The following ZFAND3 variants were observed in gnomAD, a reference collection of about 807,000 sequenced individuals.
ZFAND3 encodes zinc finger AN1-type containing 3.
ZFAND3 carries 10 observed loss-of-function variants against 29.6 expected under a neutral mutation model. That is an observed-to-expected ratio of 0.34 (90% CI 0.21 to 0.57). The LOEUF is 0.57. Ranked by LOEUF, ZFAND3 falls within the 20% of genes least tolerant of loss-of-function variation. The probability of loss-of-function intolerance (pLI) is 0.86; values close to 1 mark genes in which losing one functional copy is unlikely to be tolerated. For synonymous variants in ZFAND3, 128 were observed against 112.6 expected (o/e 1.14, Z -0.87); for missense variants, 230 against 304.5 (o/e 0.76, Z 1.82).
At chr6:37,954,976 T>C (rs115606716) in intron 2 of ZFAND3, among the ~76,000 whole-genome samples, 98 of 152,290 alleles carry the variant, frequency 6.4e-4, no homozygotes, top group Non-Finnish European at 1.2e-3. Flanking sequence ...TTCAAATGGG[T>C]CTTAGCCTCA....
chr6:37,861,710 A>G (rs773552525), intron 1 of ZFAND3, among the ~76,000 whole-genome samples: 2 of 152,232 alleles, frequency 1.3e-5, no homozygotes, highest in Admixed American at 6.5e-5. Flanking sequence ...TCCTCTAGCA[A>G]TAACTTCAGA....
intron 1 of ZFAND3, among the ~76,000 whole-genome samples, chr6:37,831,754 G>A (rs962243786): frequency 2.0e-5 from 3 of 152,172 alleles, no homozygotes; most frequent in Non-Finnish European, 2.9e-5. Context: ...GAATGGGAAA[G>A]TGTGCTGAAT....
At chr6:38,144,675 CA>C (rs1181819692) in intron 5 of ZFAND3, among the ~76,000 whole-genome samples, 5 of 152,158 alleles carry the variant, frequency 3.3e-5, no homozygotes, top group African/African-American at 9.7e-5. Flanking sequence ...TTTAAATGAG[CA>C]AGAAGTGTAA....
chr6:37,896,470 T>G (rs1765205560), intron 1 of ZFAND3, among the ~76,000 whole-genome samples: 1 of 152,128 alleles, frequency 6.6e-6, no homozygotes, highest in Non-Finnish European at 1.5e-5. Context: ...TCTTTGTATC[T>G]GTGTTCATGA....
At chr6:38,054,319 A>G (rs1383311080) in intron 2 of ZFAND3, among the ~76,000 whole-genome samples, 2 of 150,810 alleles carry the variant, frequency 1.3e-5, no homozygotes, top group African/African-American at 2.4e-5. Context: ...ACTTGGGCCC[A>G]GGAAGTCGAG....
chr6:37,853,412 G>GGAAA (rs71542141), intron 1 of ZFAND3, among the ~76,000 whole-genome samples: 5 of 65,854 alleles, frequency 7.6e-5, no homozygotes, highest in African/African-American at 9.2e-5. Flanking sequence ...TGAGCCTCAA[G>GGAAA]AAAAAAAAAA....
chr6:37,870,861 T>TA (rs921263277), intron 1 of ZFAND3, among the ~76,000 whole-genome samples: 4 of 152,170 alleles, frequency 2.6e-5, no homozygotes, highest in Non-Finnish European at 4.4e-5. Context: ...CAGTAATTCT[T>TA]ATGATTGTTT....
chr6:38,051,877 G>A (rs1052960666), intron 2 of ZFAND3, among the ~76,000 whole-genome samples: 7 of 151,892 alleles, frequency 4.6e-5, no homozygotes, highest in Non-Finnish European at 8.8e-5. Flanking sequence ...AATGTTAACA[G>A]TTAATTTATG....
chr6:37,974,398 CT>C (rs1561952566), intron 2 of ZFAND3, among the ~76,000 whole-genome samples: 137 of 89,654 alleles, frequency 1.5e-3, no homozygotes, highest in African/African-American at 3.9e-3. Flanking sequence ...CTCTCTCTCT[CT>C]CTCTTTTTTT....
intron 4 of ZFAND3, among the ~76,000 whole-genome samples, chr6:38,097,333 T>TA (rs1765003950): frequency 6.6e-6 from 1 of 150,556 alleles, no homozygotes; most frequent in African/African-American, 2.4e-5. Context: ...GTGATCCTCC[T>TA]ACCTCTGCCA....
At chr6:37,893,237 A>G (rs899412980) in intron 1 of ZFAND3, among the ~76,000 whole-genome samples, 2 of 152,280 alleles carry the variant, frequency 1.3e-5, no homozygotes, top group Non-Finnish European at 2.9e-5. Flanking sequence ...AAAGAATTGT[A>G]TCCCATGACT....
chr6:37,946,095 A>G lies in ZFAND3; in HGVS notation c.112+16096A>G, dbSNP rs80063015. On this transcript the variant is annotated intron_variant, in intron 2 of 5. Coordinates refer to ENST00000287218, the MANE Select transcript of ZFAND3 (RefSeq NM_021943.3). ...ACTTCTGTCTGAATTTTAGATGGACATAAATACAGGGTATTCATTGTGGAG... is the reference window on the plus strand; with the variant it reads ...ACTTCTGTCTGAATTTTAGATGGACGTAAATACAGGGTATTCATTGTGGAG... 3.7e-3 allele frequency among the ~76,000 whole-genome samples: 560 copies of G among 152,310 alleles called. 3 individuals are homozygous for G. Among genetic ancestry groups the G allele is most frequent in the Middle Eastern group, 0.014 (4 of 294 alleles).
intron 5 of ZFAND3, among the ~76,000 whole-genome samples, chr6:38,135,780 CG>C (rs1169752945): frequency 2.0e-5 from 3 of 151,930 alleles, no homozygotes; most frequent in Non-Finnish European, 2.9e-5. Flanking sequence ...AACACGTTTC[CG>C]GTGAGCTGTG....
intron 2 of ZFAND3, among the ~76,000 whole-genome samples, chr6:37,983,313 AGT>A (rs1388216788): frequency 6.9e-6 from 1 of 145,004 alleles, no homozygotes; most frequent in Non-Finnish European, 1.5e-5. Flanking sequence ...CTGCATGGTA[AGT>A]GTCCTATACA....
intron 2 of ZFAND3, among the ~76,000 whole-genome samples, chr6:38,035,659 T>C (rs996883065): frequency 6.6e-6 from 1 of 152,188 alleles, no homozygotes; most frequent in Non-Finnish European, 1.5e-5. Context: ...TTCTGTAATA[T>C]GAACTGTTGT....
chr6:37,879,067 G>A (rs750123756), intron 1 of ZFAND3, among the ~76,000 whole-genome samples: 5 of 152,168 alleles, frequency 3.3e-5, no homozygotes, highest in African/African-American at 7.2e-5. Flanking sequence ...TCCCCAACCC[G>A]TATGTAGTTG....
chr6:38,047,358 A>G lies in ZFAND3; in HGVS notation c.113-14235A>G, dbSNP rs140033126. Among the ~76,000 whole-genome samples, 71 of 151,964 alleles carry G rather than the reference A, an allele frequency of 4.7e-4. No individual in the cohort carries two copies. In the East Asian group the frequency reaches 0.012, roughly 26 times the overall value. On this transcript the variant is annotated intron_variant, in intron 2 of 5. Transcript: ENST00000287218. Reference sequence around the variant, plus strand: ...AGAAATATTACTTCTTTCAAACCCAATCTGACTTTTTCTTTGGCCCTTTTG... The same window carrying G: ...AGAAATATTACTTCTTTCAAACCCAGTCTGACTTTTTCTTTGGCCCTTTTG...
intron 2 of ZFAND3, among the ~76,000 whole-genome samples, chr6:37,939,991 G>A (rs975301444): frequency 1.3e-5 from 2 of 152,158 alleles, no homozygotes; most frequent in Non-Finnish European, 2.9e-5. Context: ...AGTGAGCTGA[G>A]ATTGTGCCAC....
chr6:37,890,939 C>T (rs1178947783), intron 1 of ZFAND3, among the ~76,000 whole-genome samples: 3 of 152,212 alleles, frequency 2.0e-5, no homozygotes, highest in Admixed American at 1.3e-4. Context: ...AATCTCTTTA[C>T]AGAAACATCG....
Sources: gnomAD v4.1 joint callset for allele counts (sites outside exome capture counted in the v4.1 genomes callset) on GRCh38, gnomAD v4.1.1 for gene constraint, MANE v1.5 for transcripts, NCBI Gene and HGNC (gene_info 2026-07-23, HGNC 2026-07-21) for gene names.